Variants in RNF24 observed in about 807,000 individuals in gnomAD.
RNF24 encodes ring finger protein 24.
A neutral mutation model predicts 20.0 loss-of-function variants in RNF24; 14 were observed. The ratio of observed to expected loss-of-function variants is 0.70; its 90% CI spans 0.46 to 1.10. The LOEUF (loss-of-function observed/expected upper bound fraction) is 1.10, where lower values mean the gene tolerates loss of function less well. Among genes scored for constraint, RNF24 ranks in the 50% least tolerant of loss-of-function variants. The pLI is 0.00. For synonymous variants in RNF24, 45 were observed against 61.1 expected (o/e 0.74, Z 1.23); for missense variants, 124 against 177.6 (o/e 0.70, Z 1.71).
intron 2 of RNF24, among the ~76,000 whole-genome samples, chr20:3,951,118 G>T (rs1326312317): frequency 1.3e-5 from 2 of 152,068 alleles, no homozygotes; most frequent in African/African-American, 2.4e-5. Flanking sequence ...AACATGCCCG[G>T]CTAATTTTTT....
At chr20:4,005,934 T>G (rs1395641084) in intron 1 of RNF24, among the ~76,000 whole-genome samples, 1 of 152,244 alleles carries the variant, frequency 6.6e-6, no homozygotes, top group African/African-American at 2.4e-5. Context: ...GCACTTATTT[T>G]GCTGTCAATT....
At chr20:3,979,257 G>A (rs1436828520) in intron 1 of RNF24, among the ~76,000 whole-genome samples, 1 of 152,002 alleles carries the variant, frequency 6.6e-6, no homozygotes, top group African/African-American at 2.4e-5. Context: ...CATGCTATAG[G>A]AAGATTCCAC....
chr20:3,970,637 G>T (rs1393961346), intron 1 of RNF24, among the ~76,000 whole-genome samples: 2 of 152,054 alleles, frequency 1.3e-5, no homozygotes, highest in Non-Finnish European at 2.9e-5. Flanking sequence ...AGAAACAGAA[G>T]ATATAAAGAG....
chr20:3,944,268 A>G (rs1235801273), intron 4 of RNF24, among the ~76,000 whole-genome samples: 1 of 152,098 alleles, frequency 6.6e-6, no homozygotes, highest in Non-Finnish European at 1.5e-5. Flanking sequence ...ATCCAAGGCT[A>G]GGTCTAAAAT....
chr20:3,954,534 G>A (rs544588255), intron 2 of RNF24, among the ~76,000 whole-genome samples: 4 of 152,198 alleles, frequency 2.6e-5, no homozygotes, highest in South Asian at 4.1e-4. Flanking sequence ...TTCTGTACAC[G>A]TTTCTGTGTG....
chr20:3,999,477 G>A (rs1452871419), intron 1 of RNF24, among the ~76,000 whole-genome samples: 5 of 152,114 alleles, frequency 3.3e-5, no homozygotes, highest in African/African-American at 1.2e-4. Flanking sequence ...AGTCACGGCC[G>A]GGTGCAGTGG....
chr20:3,957,581 C>G (rs1892566994), intron 2 of RNF24, among the ~76,000 whole-genome samples: 2 of 151,956 alleles, frequency 1.3e-5, no homozygotes, highest in African/African-American at 4.8e-5. Flanking sequence ...ATTAGATCTG[C>G]ATGTTTTCCC....
Position 3,934,953 on chromosome 20 carries a change from CA to C in RNF24, c.308+40del. The C allele has an allele frequency of 6.4e-7, 1 of 1,569,428 alleles. No individual in the cohort carries two copies. Among genetic ancestry groups the C allele is most frequent in the East Asian group, 2.2e-5 (1 of 44,658 alleles). On this transcript the variant is annotated intron_variant, in intron 5 of 5. Coordinates refer to ENST00000358395, the MANE Select transcript of RNF24 (RefSeq NM_001134337.3). This position sits in a 1 kb window ranked among gnomAD's most constrained non-coding sequence, Gnocchi z 4.0. Reference sequence around the variant, plus strand: ...CCAAAAGAAGTTGGTTGATGTGCCTCAAACTCGGGTCCCATTAAGTAATTCC... The same window carrying C: ...CCAAAAGAAGTTGGTTGATGTGCCTCAACTCGGGTCCCATTAAGTAATTCC...
At chr20:3,945,036 C>A in intron 4 of RNF24, 141 bp downstream of exon 4, 1 of 1,061,120 alleles carries the variant, frequency 9.4e-7, no homozygotes, top group Non-Finnish European at 1.4e-6. Flanking sequence ...TTTTATGTGA[C>A]CTCACCCTGA....
At chr20:3,972,328 T>A (rs192592851) in intron 1 of RNF24, among the ~76,000 whole-genome samples, 1 of 152,182 alleles carries the variant, frequency 6.6e-6, no homozygotes, top group Non-Finnish European at 1.5e-5. Flanking sequence ...GCACTCTACC[T>A]AGCAACAGCA....
At position 3,933,156 on chromosome 20, in the gene RNF24, G is replaced by A; in HGVS notation, c.*907C>T. 1 of 388,318 alleles carries A rather than the reference G, an allele frequency of 2.6e-6. No homozygotes were observed. Among genetic ancestry groups the A allele is most frequent in the Non-Finnish European group, 4.5e-6 (1 of 222,978 alleles). The allele number at this position is 388,318 out of a possible 1,614,324, so 24.1% of individuals were successfully genotyped here. A position where few individuals can be genotyped will look rare whatever the true frequency, so the allele number is the denominator to read the frequency against. On this transcript the variant is annotated 3_prime_UTR_variant, in exon 6 of 6. Transcript: ENST00000358395. ...AGGAGGGGGAGAGGCCAAAGGGTCG[G>A]CATTCCCTTCATCCAGCCGGGCCAG...
chr20:3,987,550 T>C (rs758372352), intron 1 of RNF24, among the ~76,000 whole-genome samples: 7 of 152,342 alleles, frequency 4.6e-5, no homozygotes, highest in East Asian at 1.9e-4. Context: ...TGAGCCTCTT[T>C]ACTCAGAGCC....
At chr20:4,004,467 C>G (rs906892618) in intron 1 of RNF24, among the ~76,000 whole-genome samples, 1 of 151,594 alleles carries the variant, frequency 6.6e-6, no homozygotes, top group Non-Finnish European at 1.5e-5. Flanking sequence ...CACAAGGAAT[C>G]GGTGAATGTG....
chr20:3,959,246 C>A (rs536124772), intron 2 of RNF24, among the ~76,000 whole-genome samples: 1 of 152,154 alleles, frequency 6.6e-6, no homozygotes, highest in Admixed American at 6.6e-5. Flanking sequence ...TTCTATCTCT[C>A]GGAAGGGATT....
At chr20:3,962,812 G>C (rs1427409543) in intron 2 of RNF24, among the ~76,000 whole-genome samples, 1 of 151,374 alleles carries the variant, frequency 6.6e-6, no homozygotes, top group Non-Finnish European at 1.5e-5. Context: ...CCGGGTTCAA[G>C]GGATTCTCCT....
chr20:3,966,169 A>G (rs1363063054), intron 1 of RNF24, among the ~76,000 whole-genome samples: 1 of 150,482 alleles, frequency 6.6e-6, no homozygotes, highest in East Asian at 1.9e-4. Context: ...AGAAGAAAAT[A>G]AGAGAATAAA....
chr20:3,987,864 A>G (rs1476438163), intron 1 of RNF24, among the ~76,000 whole-genome samples: 1 of 152,206 alleles, frequency 6.6e-6, no homozygotes, highest in Non-Finnish European at 1.5e-5. Context: ...CACTCTTAAG[A>G]GGCTGGCTAG....
chr20:3,984,175 A>T (rs1979678654), intron 1 of RNF24, among the ~76,000 whole-genome samples: 1 of 151,614 alleles, frequency 6.6e-6, no homozygotes, highest in Non-Finnish European at 1.5e-5. Flanking sequence ...GTCTGCGGTG[A>T]GCTATGACCA....
chr20:4,013,580 CA>C (rs1389739910), intron 1 of RNF24, among the ~76,000 whole-genome samples: 1 of 151,600 alleles, frequency 6.6e-6, no homozygotes, highest in African/African-American at 2.4e-5. Context: ...TCCGGGAGTT[CA>C]AGCGATTCTC....
Sources: gnomAD v4.1 joint callset for allele counts (sites outside exome capture counted in the v4.1 genomes callset) on GRCh38, gnomAD v4.1.1 for gene constraint, Gnocchi (gnomAD v3.1) non-coding constraint, MANE v1.5 for transcripts, NCBI Gene and HGNC (gene_info 2026-07-23, HGNC 2026-07-21) for gene names.